The following TNR variants were observed in gnomAD, a reference collection of about 807,000 sequenced individuals.
TNR encodes the protein tenascin-R.
A neutral mutation model predicts 150.4 loss-of-function variants in TNR; 45 were observed. That is an observed-to-expected ratio of 0.30 (90% confidence interval 0.24 to 0.38). The LOEUF is 0.38. Ranked by LOEUF, TNR falls within the 10% of genes least tolerant of loss-of-function variation. The pLI, the probability that TNR is intolerant of heterozygous loss-of-function variation, is 1.00. For synonymous variants in TNR, 687 were observed against 678.4 expected, an observed-to-expected ratio of 1.01 and a Z score of -0.20; for missense variants, 1,544 against 1,759.1, an observed-to-expected ratio of 0.88 and a Z score of 2.19.
chr1:175,718,550 A>C (rs1296723134), intron 1 of TNR, among the ~76,000 whole-genome samples: 2 of 152,220 alleles, frequency 1.3e-5, no homozygotes, highest in Admixed American at 6.5e-5. Context: ...AGGCCTAGGC[A>C]GTTTAGTAGG....
At chr1:175,601,571 T>G (rs1663237678) in intron 1 of TNR, among the ~76,000 whole-genome samples, 2 of 152,226 alleles carry the variant, frequency 1.3e-5, no homozygotes, top group Non-Finnish European at 2.9e-5. Flanking sequence ...ATTATACTCA[T>G]GAATATTTAT....
chr1:175,572,701 T>C (rs888526868), intron 1 of TNR, among the ~76,000 whole-genome samples: 1 of 148,480 alleles, frequency 6.7e-6, no homozygotes, highest in Non-Finnish European at 1.5e-5. Context: ...AACATATAAA[T>C]TACATATAGA....
At chr1:175,432,088 A>C (rs1374434579) in intron 2 of TNR, among the ~76,000 whole-genome samples, 2 of 152,054 alleles carry the variant, frequency 1.3e-5, no homozygotes, top group Non-Finnish European at 2.9e-5. Flanking sequence ...GGGGTTGCTG[A>C]CTGGGAGTGT....
At position 175,365,727 on chromosome 1, in the gene TNR, C is replaced by G. The variant is rs544432112; in HGVS notation, c.2317+148G>C. 4 of 1,195,464 alleles carry G rather than the reference C, an allele frequency of 3.3e-6. No individual in the cohort carries two copies. The African/African-American group carries it at 6.1e-5, about 18-fold the overall frequency. The allele number at this position is 1,195,464 out of a possible 1,614,324, so 74.1% of individuals were successfully genotyped here. On this transcript the variant is annotated intron_variant, in intron 11 of 22. Coordinates refer to ENST00000367674, the MANE Select transcript of TNR (RefSeq NM_003285.3). ...CTTCCAACCCTTCCCTCTTGATGCA[C>G]TTATTAGTTTTTACTCTATCCTTTT...
At chr1:175,663,961 C>T (rs189648256) in intron 1 of TNR, among the ~76,000 whole-genome samples, 96 of 152,302 alleles carry the variant, frequency 6.3e-4, no homozygotes, top group African/African-American at 2.2e-3. Flanking sequence ...AAAGAGCTCA[C>T]CAGCATTTAG....
chr1:175,731,133 C>G (rs1042389732), intron 1 of TNR, among the ~76,000 whole-genome samples: 1 of 152,220 alleles, frequency 6.6e-6, no homozygotes, highest in Non-Finnish European at 1.5e-5. Context: ...CACAGAGATA[C>G]TGCAGAGCCC....
At chr1:175,427,889 GCTTCCTTCCTTC>G (rs71129510) in intron 2 of TNR, among the ~76,000 whole-genome samples, 287 of 111,544 alleles carry the variant, frequency 2.6e-3, no homozygotes, top group African/African-American at 6.0e-3. Flanking sequence ...TCCCTTCTTC[GCTTCCTTCCTTC>G]CTTCCTTCCT....
chr1:175,462,673 A>C (rs186478987), intron 2 of TNR, among the ~76,000 whole-genome samples: 21 of 152,344 alleles, frequency 1.4e-4, no homozygotes. Flanking sequence ...CTGGAATCAT[A>C]ATGATGATTA....
At chr1:175,621,855 G>A (rs1223458980) in intron 1 of TNR, among the ~76,000 whole-genome samples, 1 of 152,210 alleles carries the variant, frequency 6.6e-6, no homozygotes, top group Non-Finnish European at 1.5e-5. Context: ...ATAGAGGCAA[G>A]GATTTGTATC....
At chr1:175,685,524 C>T (rs949814287) in intron 1 of TNR, among the ~76,000 whole-genome samples, 1 of 152,254 alleles carries the variant, frequency 6.6e-6, no homozygotes, top group Admixed American at 6.5e-5. Context: ...TTCATTCTGC[C>T]CATGACCATG....
chr1:175,635,847 T>C (rs1664476148), intron 1 of TNR, among the ~76,000 whole-genome samples: 1 of 152,176 alleles, frequency 6.6e-6, no homozygotes, highest in Non-Finnish European at 1.5e-5. Context: ...CTGAGTGTTT[T>C]AGAAATATGA....
At chr1:175,373,230 C>T (rs1652186450) in intron 9 of TNR, among the ~76,000 whole-genome samples, 1 of 152,096 alleles carries the variant, frequency 6.6e-6, no homozygotes, top group Non-Finnish European at 1.5e-5. Context: ...GCAAAGGCAG[C>T]TCTGGCAAAA....
In TNR at chr1:175,393,759, AGTGT is replaced by A. The variant is rs1448310802; in HGVS notation, c.1356+17_1356+20del. The A allele has an allele frequency of 6.4e-7, 1 of 1,568,920 alleles. No homozygotes were observed. Among genetic ancestry groups the A allele is most frequent in the South Asian group, 1.1e-5 (1 of 90,148 alleles). ...AATATTCCAAATAAGTCTGTTTGGC[AGTGT>A]AACAGGTGAGTGTTACCTTTGGAAT... On this transcript the variant is annotated intron_variant, in intron 6 of 22. Coordinates refer to ENST00000367674, the MANE Select transcript of TNR (RefSeq NM_003285.3).
intron 2 of TNR, among the ~76,000 whole-genome samples, chr1:175,418,030 A>G (rs185718698): frequency 2.4e-4 from 37 of 152,206 alleles, no homozygotes; most frequent in Non-Finnish European, 4.3e-4. Flanking sequence ...AAGCAGGTGA[A>G]TTATACCTTC....
intron 2 of TNR, among the ~76,000 whole-genome samples, chr1:175,493,122 C>T (rs1307616297): frequency 3.3e-5 from 5 of 152,168 alleles, no homozygotes; most frequent in Admixed American, 3.3e-4. Flanking sequence ...ATAGCTGTCC[C>T]CTCTCCTCTC....
chr1:175,631,167 T>C (rs1172685599), intron 1 of TNR, among the ~76,000 whole-genome samples: 1 of 152,176 alleles, frequency 6.6e-6, no homozygotes, highest in Non-Finnish European at 1.5e-5. Flanking sequence ...CAGAAATATA[T>C]ATGTGTGCAT....
intron 2 of TNR, among the ~76,000 whole-genome samples, chr1:175,416,420 T>C (rs939350515): frequency 4.6e-5 from 7 of 151,916 alleles, no homozygotes; most frequent in Non-Finnish European, 8.8e-5. Context: ...AATGAATTCC[T>C]AATTAATCTA....
chr1:175,481,085 T>C (rs1281595822), intron 2 of TNR, among the ~76,000 whole-genome samples: 1 of 152,164 alleles, frequency 6.6e-6, no homozygotes, highest in Non-Finnish European at 1.5e-5. Context: ...GACATAAATT[T>C]GTACATTTCA....
rs775568703 is a variant in TNR at position 175,677,587 on chromosome 1, G to A, written c.-165+65639C>T. Among the ~76,000 whole-genome samples the A allele has an allele frequency of 4.5e-4, 68 of 152,114 alleles. 1 individual carries two copies. Among genetic ancestry groups the A allele is most frequent in the Admixed American group, 8.5e-4 (13 of 15,276 alleles). ...TGCATTAGAAAACCTCTTAGCAATTGCTTCCGTAACAACTCTTTCCCAGGA... is the reference window on the plus strand; with the variant it reads ...TGCATTAGAAAACCTCTTAGCAATTACTTCCGTAACAACTCTTTCCCAGGA... On this transcript the variant is annotated intron_variant, in intron 1 of 22. Transcript: ENST00000367674.
Sources: allele counts gnomAD v4.1 joint callset (sites outside exome capture counted in the v4.1 genomes callset), GRCh38; gene constraint gnomAD v4.1.1; transcripts MANE v1.5; gene names NCBI Gene and HGNC (gene_info 2026-07-23, HGNC 2026-07-21).